Variants in FHIT observed in about 807,000 individuals in gnomAD.
FHIT encodes fragile histidine triad diadenosine triphosphatase, also known as bis(5'-adenosyl)-triphosphatase.
In FHIT, 19 loss-of-function variants were observed where a neutral mutation model predicts 17.9. The ratio of observed to expected loss-of-function variants is 1.06; its 90% CI spans 0.74 to 1.56. FHIT has a LOEUF of 1.56. Ranked by LOEUF, FHIT falls within the 40% of genes most tolerant of loss-of-function variation. The pLI, the probability that FHIT is intolerant of heterozygous loss-of-function variation, is 0.00. For missense variants in FHIT, 248 were observed against 189.2 expected (o/e 1.31, Z -1.82); for synonymous variants, 81 against 69.7 (o/e 1.16, Z -0.81).
chr3:61,206,624 G>A (rs947201893), intron 1 of FHIT, among the ~76,000 whole-genome samples: 1 of 152,122 alleles, frequency 6.6e-6, no homozygotes, highest in Admixed American at 6.6e-5. Context: ...CTGTTTGTCT[G>A]TTATTGGTGT....
chr3:60,527,067 C>T (rs1217617758), intron 5 of FHIT, among the ~76,000 whole-genome samples: 1 of 152,170 alleles, frequency 6.6e-6, no homozygotes, highest in Non-Finnish European at 1.5e-5. Context: ...TCTGTCCCCA[C>T]ATGTCAGCAT....
chr3:60,553,952 T>A (rs1353798586), intron 4 of FHIT, among the ~76,000 whole-genome samples: 3 of 152,014 alleles, frequency 2.0e-5, no homozygotes, highest in Non-Finnish European at 4.4e-5. Context: ...CTGGGCATGG[T>A]GGTGGGCACC....
chr3:60,441,796 A>T lies in FHIT; in HGVS notation c.103+95064T>A, dbSNP rs367670279. 3.6e-4 allele frequency among the ~76,000 whole-genome samples: 24 copies of T among 66,056 alleles called. No individual in the cohort carries two copies. In the East Asian group the frequency reaches 4.1e-3, roughly 11 times the overall value. 43.3% of individuals were successfully genotyped at this position (66,056 alleles called of 152,430 possible). ...TATATGTATAAAAATATATATATAT[A>T]TATATATATATATATATATCAGGTC... is the stretch of plus-strand genomic sequence containing the variant. On this transcript the variant is annotated intron_variant, in intron 5 of 9. Coordinates refer to ENST00000492590, the MANE Select transcript of FHIT (RefSeq NM_002012.4).
intron 5 of FHIT, among the ~76,000 whole-genome samples, chr3:60,385,320 T>C (rs9872356): frequency 0.26 from 39,955 of 152,098 alleles, 5,398 homozygotes; most frequent in East Asian, 0.47. Context: ...ATGCCTTAAA[T>C]CACCCACAAA....
intron 2 of FHIT, among the ~76,000 whole-genome samples, chr3:61,124,983 G>C (rs908721679): frequency 3.3e-5 from 5 of 152,078 alleles, no homozygotes; most frequent in African/African-American, 1.2e-4. Context: ...AGCATTAACA[G>C]TCTGCAGTGC....
intron 3 of FHIT, among the ~76,000 whole-genome samples, chr3:60,867,343 A>G (rs533013751): frequency 8.5e-5 from 13 of 152,314 alleles, no homozygotes; most frequent in African/African-American, 2.9e-4. Flanking sequence ...AAAGATGCAA[A>G]TATGTATTCA....
intron 5 of FHIT, among the ~76,000 whole-genome samples, chr3:60,495,049 C>A (rs2034238887): frequency 6.6e-6 from 1 of 152,196 alleles, no homozygotes; most frequent in African/African-American, 2.4e-5. Flanking sequence ...AACCTCCAAA[C>A]TGTTCTCCTT....
intron 3 of FHIT, among the ~76,000 whole-genome samples, chr3:60,978,929 A>G (rs968778836): frequency 2.0e-5 from 3 of 152,194 alleles, no homozygotes; most frequent in Non-Finnish European, 4.4e-5. Context: ...ATGTCTTCCC[A>G]TTTCGAATAC....
At chr3:61,095,109 G>T (rs1347852) in intron 2 of FHIT, among the ~76,000 whole-genome samples, 50,066 of 151,936 alleles carry the variant, frequency 0.33, 10,461 homozygotes, top group Non-Finnish European at 0.46. Flanking sequence ...CTCTAACTAC[G>T]TATGGCACAC....
At chr3:59,807,768 G>C (rs1208268555) in intron 8 of FHIT, among the ~76,000 whole-genome samples, 1 of 152,120 alleles carries the variant, frequency 6.6e-6, no homozygotes. Context: ...GGAGATATGG[G>C]GTGGGGGTGC....
At chr3:60,836,103 G>A (rs1339426449) in intron 3 of FHIT, among the ~76,000 whole-genome samples, 2 of 152,134 alleles carry the variant, frequency 1.3e-5, no homozygotes, top group South Asian at 2.1e-4. Flanking sequence ...AATAGGAGTG[G>A]TGGAACCAGC....
chr3:60,107,633 C>T (rs1704482734), intron 5 of FHIT, among the ~76,000 whole-genome samples: 1 of 152,148 alleles, frequency 6.6e-6, no homozygotes. Context: ...AGTTTGTTGG[C>T]TACTTCCAAC....
intron 8 of FHIT, among the ~76,000 whole-genome samples, chr3:59,836,943 T>C (rs1362418099): frequency 3.9e-5 from 6 of 152,232 alleles, no homozygotes; most frequent in East Asian, 1.9e-4. Flanking sequence ...TGACTTGTTA[T>C]AGTGCTATTT....
chr3:61,046,843 C>A (rs562107729), intron 2 of FHIT, among the ~76,000 whole-genome samples: 32 of 152,140 alleles, frequency 2.1e-4, no homozygotes, highest in Admixed American at 5.9e-4. Context: ...TCAACATATG[C>A]AAATCAAAAA....
At chr3:60,909,662 T>A (rs1706625844) in intron 3 of FHIT, among the ~76,000 whole-genome samples, 1 of 152,180 alleles carries the variant, frequency 6.6e-6, no homozygotes, top group Non-Finnish European at 1.5e-5. Context: ...AAACAGGTTT[T>A]CATTTTCTTT....
chr3:60,553,854 G>A (rs976448149), intron 4 of FHIT, among the ~76,000 whole-genome samples: 6 of 152,056 alleles, frequency 3.9e-5, no homozygotes, highest in African/African-American at 1.4e-4. Flanking sequence ...AGGAGGCCTA[G>A]GAGGGCAGAT....
chr3:59,827,068 A>C (rs1412111737), intron 8 of FHIT, among the ~76,000 whole-genome samples: 1 of 152,178 alleles, frequency 6.6e-6, no homozygotes, highest in Non-Finnish European at 1.5e-5. Flanking sequence ...CCAGTAAACC[A>C]ATATTTACTA....
intron 2 of FHIT, among the ~76,000 whole-genome samples, chr3:61,169,368 A>G (rs1433390972): frequency 6.6e-6 from 1 of 152,210 alleles, no homozygotes; most frequent in African/African-American, 2.4e-5. Context: ...CAGTTATAAC[A>G]TCTGCCTGGT....
chr3:60,751,264 A>G (rs1387163266), intron 4 of FHIT, among the ~76,000 whole-genome samples: 3 of 152,224 alleles, frequency 2.0e-5, no homozygotes, highest in African/African-American at 7.2e-5. Context: ...TTCTAATTTT[A>G]TATAGGAGGA....
Sources: allele counts gnomAD v4.1 joint callset (sites outside exome capture counted in the v4.1 genomes callset), GRCh38; gene constraint gnomAD v4.1.1; transcripts MANE v1.5; gene names NCBI Gene and HGNC (gene_info 2026-07-23, HGNC 2026-07-21).